Variants in FCRL6 observed in about 807,000 individuals in gnomAD.
FCRL6 encodes Fc receptor-like protein 6.
A neutral mutation model predicts 49.1 loss-of-function variants in FCRL6; 50 were observed. That is an observed-to-expected ratio of 1.02 (90% CI 0.81 to 1.29). The LOEUF is 1.29. FCRL6 is among the 50% of genes most tolerant of loss of function. The pLI, the probability that FCRL6 is intolerant of heterozygous loss-of-function variation, is 0.00. For synonymous variants in FCRL6, 213 were observed against 199.6 expected (o/e 1.07, Z -0.57); for missense variants, 571 against 518.5 (o/e 1.10, Z -0.98).
intron 6 of FCRL6, among the ~76,000 whole-genome samples, chr1:159,811,755 G>A (rs1571109480): frequency 6.6e-6 from 1 of 152,218 alleles, no homozygotes; most frequent in African/African-American, 2.4e-5. Context: ...GGGAAAAGGA[G>A]AGGATGCCCA....
intron 3 of FCRL6, 119 bp from the exon 4 acceptor site, chr1:159,808,842 C>A: frequency 9.7e-7 from 1 of 1,030,946 alleles, no homozygotes; most frequent in East Asian, 2.6e-5. Context: ...AGGGATGAAA[C>A]TGCCTCCCAT....
chr1:159,815,359 AG>A, intron 8 of FCRL6, 68 bp from the exon 9 acceptor site: 1 of 1,539,006 alleles, frequency 6.5e-7, no homozygotes, highest in South Asian at 1.2e-5. Context: ...GCCAGCCAGG[AG>A]GGGTGGGAAG....
intron 2 of FCRL6, 52 bp downstream of exon 2, chr1:159,806,668 CT>C: frequency 6.3e-7 from 1 of 1,586,040 alleles, no homozygotes; most frequent in Non-Finnish European, 8.7e-7. Flanking sequence ...TGGGCCAAAA[CT>C]TACTGGATGG....
intron 1 of FCRL6, among the ~76,000 whole-genome samples, chr1:159,803,445 C>A (rs1168800428): frequency 6.6e-6 from 1 of 152,068 alleles, no homozygotes; most frequent in African/African-American, 2.4e-5. Flanking sequence ...AGAATTTGAC[C>A]CTGTGAGGAA....
At chr1:159,814,922 T>C (rs893359500) in intron 8 of FCRL6, among the ~76,000 whole-genome samples, 1 of 152,206 alleles carries the variant, frequency 6.6e-6, no homozygotes, top group African/African-American at 2.4e-5. Flanking sequence ...AAGTCAAGTG[T>C]CCTCTCTGGG....
chr1:159,813,506 A>G lies in FCRL6; in HGVS notation c.1027A>G (p.Ile343Val), dbSNP rs899642260. ...WRKAGPLPSQ[I>V]PPTAPGGEQC... ...TCTCCTAGGGCCCCTTCCATCCCAG[A>G]TACCACCCACAGCTCCAGGTGGAGA... The change falls in exon 7 of 10, where the codon ATA becomes GTA. Residue 343 changes from isoleucine (I) to valine (V), a missense_variant. Coordinates refer to ENST00000368106, the MANE Select transcript of FCRL6 (RefSeq NM_001004310.3). The G allele has an allele frequency of 6.2e-7, 1 of 1,614,044 alleles. No individual in the cohort carries two copies. The highest frequency in any genetic ancestry group is 1.3e-5 in the African/African-American group (1 of 75,034).
chr1:159,814,265 G>A lies in FCRL6; in HGVS notation c.1120G>A (p.Val374Met). 6.2e-7 allele frequency: 1 copy of A among 1,614,156 alleles called. No individual in the cohort carries two copies. Among genetic ancestry groups the A allele is most frequent in the Non-Finnish European group, 8.5e-7 (1 of 1,180,014 alleles). ...AGATGAAGGTGTTGTCTACTCTGTG[G>A]TGCATAGAACCTCAAAGAGGAGTGA... is the stretch of plus-strand genomic sequence containing the variant. ...GKDEGVVYSV[V>M]HRTSKRSEAR... The change falls in exon 8 of 10, where the codon GTG (valine) becomes ATG (methionine). Residue 374 changes from valine (V) to methionine (M), a missense_variant. Val to Met is a conservative substitution (Grantham distance 21). Coordinates refer to ENST00000368106, the MANE Select transcript of FCRL6 (RefSeq NM_001004310.3).
At chr1:159,812,765 G>C (rs1340992303) in intron 6 of FCRL6, among the ~76,000 whole-genome samples, 3 of 152,178 alleles carry the variant, frequency 2.0e-5, no homozygotes, top group Non-Finnish European at 2.9e-5. Context: ...AGCTCTTAGA[G>C]TAATGAGTAT....
At chr1:159,800,647 T>G, upstream of FCRL6, 2 of 1,536,286 alleles carry the variant, frequency 1.3e-6, no homozygotes, top group Non-Finnish European at 1.8e-6. Flanking sequence ...CCTACTTTAC[T>G]TCCTCACTAC....
chr1:159,816,203 T>C lies in FCRL6; in HGVS notation c.*542T>C, dbSNP rs575032541. 3.7e-5 allele frequency: 6 copies of C among 161,504 alleles called. No homozygotes were observed. The highest frequency in any genetic ancestry group is 1.4e-4 in the African/African-American group (6 of 41,680). 10.0% of individuals were successfully genotyped at this position (161,504 alleles called of 1,614,324 possible). A position where few individuals can be genotyped will look rare whatever the true frequency, so the allele number is the denominator to read the frequency against. On this transcript the variant is annotated 3_prime_UTR_variant, in exon 10 of 10. Transcript: ENST00000368106. ...TACAAATATAGCACATACAATTATG[T>C]ACAGTACACTATACTTGATAATGAT...
chr1:159,809,094 G>C lies in FCRL6; in HGVS notation c.453G>C (p.Lys151Asn). Residue 151 changes from lysine to asparagine, a missense_variant, in exon 4 of 10, where the codon AAG becomes AAC. Coordinates refer to ENST00000368106, the MANE Select transcript of FCRL6 (RefSeq NM_001004310.3). ...TGAGGCTCCTTTTCTCCTTCCACAA[G>C]GACGGCCACACCTTGCAGGACAGGG... ...SALRLLFSFH[K>N]DGHTLQDRGP... The C allele has an allele frequency of 6.2e-7, 1 of 1,614,066 alleles. No homozygotes were observed. Among genetic ancestry groups the C allele is most frequent in the Non-Finnish European group, 8.5e-7 (1 of 1,179,974 alleles).
At chr1:159,808,878 A>G in intron 3 of FCRL6, 83 bp from the exon 4 acceptor site, 1 of 1,414,758 alleles carries the variant, frequency 7.1e-7, no homozygotes, top group South Asian at 1.4e-5. Context: ...GCAGCCTGAG[A>G]TGAGTAGAAG....
In FCRL6 at chr1:159,814,201, A is replaced by T; in HGVS notation, c.1076-20A>T. ...GGGAGAGTCAGGAGGATCCTATTTA[A>T]GCCTCATTCCTTCTTCCAGTGCATC... On this transcript the variant is annotated intron_variant, in intron 7 of 9. Transcript: ENST00000368106. The T allele has an allele frequency of 6.2e-7, 1 of 1,611,338 alleles. No individual in the cohort carries two copies. The highest frequency in any genetic ancestry group is 8.5e-7 in the Non-Finnish European group (1 of 1,177,476).
intron 7 of FCRL6, 125 bp downstream of exon 7, chr1:159,813,679 C>T (rs2101760625): frequency 2.5e-6 from 2 of 801,596 alleles, no homozygotes; most frequent in South Asian, 1.6e-5. Context: ...GGAAGGAAAA[C>T]AAACAGCTTC....
At chr1:159,809,341 A>G (rs1408203459) in intron 4 of FCRL6, 61 bp from the exon 5 acceptor site, 17 of 1,534,008 alleles carry the variant, frequency 1.1e-5, no homozygotes, top group Non-Finnish European at 1.3e-5. Context: ...GGTCCCCAGG[A>G]GAGGAGGGAG....
chr1:159,802,802 G>T (rs567852832), intron 1 of FCRL6, among the ~76,000 whole-genome samples: 2 of 152,296 alleles, frequency 1.3e-5, no homozygotes, highest in South Asian at 4.1e-4. Context: ...GTCTCAAAAG[G>T]AAATGGAGGT....
chr1:159,802,500 C>T (rs563269380), intron 1 of FCRL6, 45 bp downstream of exon 1: 9 of 1,551,568 alleles, frequency 5.8e-6, no homozygotes, highest in African/African-American at 2.7e-5. Context: ...CACTAAGGAC[C>T]GTAAGTCATC....
rs367659293 is a variant in FCRL6, at chr1:159,815,692, C to A, written c.*31C>A. ...GTGTTCTCCTATCAACACACGCCCA[C>A]CCCCAGTCTCCAGTGCTCCTCAGGA... is the stretch of plus-strand genomic sequence containing the variant. On this transcript the variant is annotated 3_prime_UTR_variant, in exon 10 of 10. Transcript: ENST00000368106. 2.5e-6 allele frequency: 4 copies of A among 1,602,212 alleles called. No homozygotes were observed. The African/African-American group carries it at 4.0e-5, about 16-fold the overall frequency.
chr1:159,803,834 G>C (rs1337673338), intron 1 of FCRL6, among the ~76,000 whole-genome samples: 2 of 152,170 alleles, frequency 1.3e-5, no homozygotes, highest in Non-Finnish European at 2.9e-5. Flanking sequence ...TGGAAAAACA[G>C]CCTAAAACAC....
Sources: gnomAD v4.1 joint callset for allele counts (sites outside exome capture counted in the v4.1 genomes callset) on GRCh38, gnomAD v4.1.1 for gene constraint, MANE v1.5 for transcripts, NCBI Gene and HGNC (gene_info 2026-07-23, HGNC 2026-07-21) for gene names.